The following GRK7 variants were observed in gnomAD, a reference collection of about 807,000 sequenced individuals.
GRK7 encodes the protein G protein-coupled receptor kinase 7, also known as rhodopsin kinase GRK7.
Under a neutral mutation model 34.1 loss-of-function variants are expected in GRK7, and 24 were observed. That is an observed-to-expected ratio of 0.70 (90% CI 0.51 to 0.99). The LOEUF (loss-of-function observed/expected upper bound fraction) is 0.99. Ranked by LOEUF, GRK7 falls within the 50% of genes least tolerant of loss-of-function variation. The probability of loss-of-function intolerance (pLI) is 0.00; values close to 1 mark genes in which losing one functional copy is unlikely to be tolerated. For missense variants in GRK7, 644 were observed against 707.3 expected, an observed-to-expected ratio of 0.91 and a Z score of 1.02; for synonymous variants, 256 against 279.4, an observed-to-expected ratio of 0.92 and a Z score of 0.84.
intron 4 of GRK7, among the ~76,000 whole-genome samples, chr3:141,795,102 G>A (rs538346806): frequency 5.6e-4 from 86 of 152,284 alleles, no homozygotes; most frequent in Non-Finnish European, 1.1e-3. Flanking sequence ...GGGTCAGGAA[G>A]GGCTTCCAAG....
intron 4 of GRK7, among the ~76,000 whole-genome samples, chr3:141,789,238 G>A (rs189571073): frequency 2.6e-5 from 4 of 152,224 alleles, no homozygotes; most frequent in South Asian, 2.1e-4. Flanking sequence ...TGAAATTAAC[G>A]GTTTACATAA....
chr3:141,812,473 C>T (rs1389553055), intron 5 of GRK7, among the ~76,000 whole-genome samples: 1 of 152,100 alleles, frequency 6.6e-6, no homozygotes, highest in African/African-American at 2.4e-5. Context: ...TTGTGGTGGC[C>T]CAGCCACAAG....
At chr3:141,796,810 C>T (rs886887084) in intron 4 of GRK7, among the ~76,000 whole-genome samples, 1 of 152,178 alleles carries the variant, frequency 6.6e-6, no homozygotes, top group Non-Finnish European at 1.5e-5. Context: ...TGTGCCAGGC[C>T]CTGCCTTTCA....
intron 1 of GRK7, among the ~76,000 whole-genome samples, chr3:141,768,012 G>T (rs1358642108): frequency 6.6e-6 from 1 of 152,128 alleles, no homozygotes; most frequent in African/African-American, 2.4e-5. Context: ...GAAAGTGAGT[G>T]GTTTTCAACT....
At chr3:141,814,218 A>G (rs1242327578) in intron 5 of GRK7, among the ~76,000 whole-genome samples, 2 of 61,162 alleles carry the variant, frequency 3.3e-5, no homozygotes, top group African/African-American at 1.6e-4. Context: ...AAAGGAAGAC[A>G]TTTCTTTAAA....
chr3:141,792,605 G>A (rs10513157), intron 4 of GRK7, among the ~76,000 whole-genome samples: 9,158 of 152,160 alleles, frequency 0.06, 909 homozygotes, highest in African/African-American at 0.21. Flanking sequence ...AGAGGTTCCG[G>A]TGGTGTCTCA....
the GRK7 span, among the ~76,000 whole-genome samples, chr3:141,751,149 A>T: frequency 6.6e-6 from 1 of 152,236 alleles, no homozygotes; most frequent in African/African-American, 2.4e-5. Flanking sequence ...TTTGCATTTT[A>T]TCTGAGCCTC....
At chr3:141,808,353 A>G (rs140145293) in intron 5 of GRK7, among the ~76,000 whole-genome samples, 31 of 152,346 alleles carry the variant, frequency 2.0e-4, no homozygotes, top group African/African-American at 7.5e-4. Flanking sequence ...ACATGCAGCC[A>G]TAAAACAAAA....
At chr3:141,791,792 T>G (rs1457972228) in intron 4 of GRK7, among the ~76,000 whole-genome samples, 1 of 151,676 alleles carries the variant, frequency 6.6e-6, no homozygotes, top group Non-Finnish European at 1.5e-5. Flanking sequence ...TCACTTGAGG[T>G]CAGGAGTTTC....
the GRK7 span, among the ~76,000 whole-genome samples, chr3:141,752,772 C>T: frequency 2.0e-5 from 3 of 152,156 alleles, no homozygotes; most frequent in Non-Finnish European, 4.4e-5. Flanking sequence ...CTTCCCAAAA[C>T]TCAGATGTCA....
At chr3:141,762,343 C>T (rs1466858074), upstream of GRK7, among the ~76,000 whole-genome samples, 2 of 148,882 alleles carry the variant, frequency 1.3e-5, no homozygotes, top group South Asian at 2.2e-4. Context: ...AGACAGGACC[C>T]TCAGCTGCAG....
intron 2 of GRK7, among the ~76,000 whole-genome samples, chr3:141,776,535 G>T (rs2084640106): frequency 6.6e-6 from 1 of 152,168 alleles, no homozygotes; most frequent in Admixed American, 6.5e-5. Context: ...AAAGCAGACA[G>T]CATGGTTCAG....
chr3:141,765,494 C>T lies in GRK7; in HGVS notation c.-459C>T, dbSNP rs1045471357. ...AGTATTTTACAGCTACTCCTATCAA[C>T]CTGGGCTAGGCTTGTGACCAGTAGA... On this transcript the variant is annotated 5_prime_UTR_variant, in exon 1 of 6. Coordinates refer to ENST00000682958, the MANE Select transcript of GRK7 (RefSeq NM_139209.3). Among the ~76,000 whole-genome samples, 1 of 152,166 alleles carries T rather than the reference C, an allele frequency of 6.6e-6. No homozygotes were observed. The highest frequency in any genetic ancestry group is 2.4e-5 in the African/African-American group (1 of 41,454).
intron 4 of GRK7, among the ~76,000 whole-genome samples, chr3:141,790,512 T>C (rs2084719089): frequency 6.6e-6 from 1 of 151,702 alleles, no homozygotes; most frequent in Admixed American, 6.6e-5. Context: ...AGCCAGCTTC[T>C]TACCCATAGG....
chr3:141,769,829 C>A (rs1285453073), intron 1 of GRK7, among the ~76,000 whole-genome samples: 1 of 152,230 alleles, frequency 6.6e-6, no homozygotes, highest in Non-Finnish European at 1.5e-5. Flanking sequence ...GTCCCAGCTC[C>A]TACCAGACAG....
At chr3:141,776,371 C>T (rs1455516600) in intron 2 of GRK7, among the ~76,000 whole-genome samples, 1 of 152,178 alleles carries the variant, frequency 6.6e-6, no homozygotes, top group Non-Finnish European at 1.5e-5. Context: ...CAAGGTTCTA[C>T]CTTGCTAGGC....
intron 5 of GRK7, among the ~76,000 whole-genome samples, chr3:141,815,727 G>GTGTT (rs1407696204): frequency 6.6e-6 from 1 of 151,880 alleles, no homozygotes; most frequent in African/African-American, 2.4e-5. Flanking sequence ...GTGTGTGTGT[G>GTGTT]TGTGTGATCA....
intron 1 of GRK7, among the ~76,000 whole-genome samples, chr3:141,766,204 T>C (rs2677422): frequency 0.76 from 115,657 of 151,352 alleles, 45,124 homozygotes; most frequent in African/African-American, 0.92. Flanking sequence ...CACTCTGTCG[T>C]CCAGGCTGGA....
chr3:141,803,175 C>A (rs1710988389), intron 4 of GRK7, among the ~76,000 whole-genome samples: 1 of 151,580 alleles, frequency 6.6e-6, no homozygotes, highest in Non-Finnish European at 1.5e-5. Flanking sequence ...GCCTGTAATC[C>A]CAGCACTTTG....
Sources: allele counts gnomAD v4.1 joint callset (sites outside exome capture counted in the v4.1 genomes callset), GRCh38; gene constraint gnomAD v4.1.1; transcripts MANE v1.5; gene names NCBI Gene and HGNC (gene_info 2026-07-23, HGNC 2026-07-21).